Variants in HMG20A observed in about 807,000 individuals in gnomAD.
The protein encoded by HMG20A is high mobility group protein 20A.
A neutral mutation model predicts 43.9 loss-of-function variants in HMG20A; 17 were observed. That is an observed-to-expected ratio of 0.39 (90% confidence interval 0.27 to 0.58). The LOEUF (loss-of-function observed/expected upper bound fraction) is 0.58. Ranked by LOEUF, HMG20A falls within the 20% of genes least tolerant of loss-of-function variation. The probability of loss-of-function intolerance (pLI) is 0.59; values close to 1 mark genes in which losing one functional copy is unlikely to be tolerated. For missense variants in HMG20A, 341 were observed against 438.2 expected (o/e 0.78, Z 1.98); for synonymous variants, 132 against 147.5 (o/e 0.89, Z 0.76).
chr15:77,432,307 A>G (rs2073493516), intron 1 of HMG20A, among the ~76,000 whole-genome samples: 2 of 152,244 alleles, frequency 1.3e-5, no homozygotes, highest in Non-Finnish European at 2.9e-5. Flanking sequence ...ATATATTAGA[A>G]TAGAAAAAAG....
the HMG20A span, among the ~76,000 whole-genome samples, chr15:77,501,560 C>T: frequency 6.6e-6 from 1 of 152,244 alleles, no homozygotes; most frequent in Non-Finnish European, 1.5e-5. Flanking sequence ...CTTCCCTCTA[C>T]ATTCCTTCCT....
chr15:77,477,477 A>C (rs2072867047), intron 6 of HMG20A, 78 bp from the exon 7 acceptor site: 3 of 987,982 alleles, frequency 3.0e-6, no homozygotes, highest in Non-Finnish European at 4.7e-6. Context: ...TAAAGAAGAC[A>C]TGATCATTGT....
intron 6 of HMG20A, 34 bp downstream of exon 6, chr15:77,471,848 G>A: frequency 8.0e-7 from 1 of 1,242,432 alleles, no homozygotes; most frequent in Non-Finnish European, 1.1e-6. Flanking sequence ...TCATATATAT[G>A]TATTTATAAT....
chr15:77,513,047 C>A, the HMG20A span, among the ~76,000 whole-genome samples: 224 of 152,226 alleles, frequency 1.5e-3, no homozygotes, highest in Admixed American at 3.1e-3. Flanking sequence ...GTGTCAAGGT[C>A]ATCAAAGTAA....
At chr15:77,493,416 G>A in the HMG20A span, among the ~76,000 whole-genome samples, 71 of 152,252 alleles carry the variant, frequency 4.7e-4, no homozygotes, top group African/African-American at 1.6e-3. Context: ...GGGAAATGTA[G>A]GGGAAAAACA....
the HMG20A span, among the ~76,000 whole-genome samples, chr15:77,503,870 C>A: frequency 6.6e-6 from 1 of 152,132 alleles, no homozygotes; most frequent in Non-Finnish European, 1.5e-5. Context: ...CTCTGGATCC[C>A]ACTTTGAATA....
chr15:77,446,876 G>A (rs1358472965), intron 1 of HMG20A, among the ~76,000 whole-genome samples: 1 of 151,064 alleles, frequency 6.6e-6, no homozygotes, highest in Non-Finnish European at 1.5e-5. Context: ...TGTGCTTTGT[G>A]TACTTAAAAC....
chr15:77,475,244 T>A (rs1487402099), intron 6 of HMG20A, among the ~76,000 whole-genome samples: 1 of 152,194 alleles, frequency 6.6e-6, no homozygotes, highest in Non-Finnish European at 1.5e-5. Context: ...GGAAGAGCGC[T>A]GATGGTTTTT....
the HMG20A span, among the ~76,000 whole-genome samples, chr15:77,517,705 G>A: frequency 2.0e-5 from 3 of 151,868 alleles, no homozygotes; most frequent in South Asian, 4.2e-4. Flanking sequence ...CTCTGTGGGC[G>A]ACGGCATTTG....
intron 3 of HMG20A, among the ~76,000 whole-genome samples, chr15:77,465,766 G>A (rs1308022027): frequency 6.6e-6 from 1 of 152,160 alleles, no homozygotes; most frequent in African/African-American, 2.4e-5. Flanking sequence ...GCCCAGTGGT[G>A]AATTATACCA....
chr15:77,465,750 T>C (rs2072751426), intron 3 of HMG20A, among the ~76,000 whole-genome samples: 1 of 152,240 alleles, frequency 6.6e-6, no homozygotes, highest in South Asian at 2.1e-4. Context: ...ACCAAATACA[T>C]AATTTGCCCA....
At chr15:77,515,694 A>C in the HMG20A span, among the ~76,000 whole-genome samples, 5 of 152,106 alleles carry the variant, frequency 3.3e-5, no homozygotes, top group Admixed American at 3.3e-4. Flanking sequence ...AAGTGAATTC[A>C]CTCATGCTGA....
chr15:77,459,415 T>G (rs566043879), intron 2 of HMG20A, among the ~76,000 whole-genome samples: 4 of 152,310 alleles, frequency 2.6e-5, no homozygotes, highest in African/African-American at 9.6e-5. Flanking sequence ...CAAATTCTAC[T>G]TGTTGAGTCA....
intron 1 of HMG20A, among the ~76,000 whole-genome samples, chr15:77,442,351 A>G (rs2073621895): frequency 6.6e-6 from 1 of 152,152 alleles, no homozygotes; most frequent in Non-Finnish European, 1.5e-5. Flanking sequence ...TTTTCCCCTC[A>G]GTATCAAAAT....
intron 9 of HMG20A, among the ~76,000 whole-genome samples, chr15:77,480,624 A>T (rs1016044239): frequency 6.6e-6 from 1 of 151,344 alleles, no homozygotes; most frequent in African/African-American, 2.4e-5. Context: ...AAAAAAAAAA[A>T]ACAAAATAAA....
the HMG20A span, among the ~76,000 whole-genome samples, chr15:77,518,843 G>T: frequency 6.6e-6 from 1 of 152,196 alleles, no homozygotes; most frequent in East Asian, 1.9e-4. Flanking sequence ...TCCTTTGGGG[G>T]TGCTGTACTT....
At position 77,473,052 on chromosome 15, in the gene HMG20A, A is replaced by C. The variant is rs570757313; in HGVS notation, c.615+1238A>C. Among the ~76,000 whole-genome samples, 11 of 152,358 alleles carry C rather than the reference A, an allele frequency of 7.2e-5. No homozygotes were observed. In the South Asian group the frequency reaches 2.3e-3, roughly 32 times the overall value. On this transcript the variant is annotated intron_variant, in intron 6 of 9. Transcript: ENST00000336216. ...AGAATTTTCTGATGTACTCTTTTAC[A>C]TGTGTTTGGTTTTTTACTAAATCAA...
At chr15:77,464,205 T>G (rs1349702576) in intron 2 of HMG20A, 35 bp from the exon 3 acceptor site, 1 of 1,602,338 alleles carries the variant, frequency 6.2e-7, no homozygotes, top group East Asian at 2.2e-5. Flanking sequence ...ATAGGTGGAG[T>G]TTTTGTGTTG....
chr15:77,484,040 C>T lies in HMG20A; in HGVS notation c.*1077C>T, dbSNP rs1290535893. On this transcript the variant is annotated 3_prime_UTR_variant, in exon 10 of 10. Transcript: ENST00000336216. ...GCTGAATCCATGTGAGGAAGACAGG[C>T]TTCCCTTCCTTCCCCCTCCTTAGTG... 1 of 152,228 alleles carries T rather than the reference C, an allele frequency of 6.6e-6. No homozygotes were observed. The highest frequency in any genetic ancestry group is 2.4e-5 in the African/African-American group (1 of 41,460). 9.4% of individuals were successfully genotyped at this position (152,228 alleles called of 1,614,324 possible).
Sources: allele counts gnomAD v4.1 joint callset (sites outside exome capture counted in the v4.1 genomes callset), GRCh38; gene constraint gnomAD v4.1.1; transcripts MANE v1.5; gene names NCBI Gene and HGNC (gene_info 2026-07-23, HGNC 2026-07-21).